ZNF695: variants seen among roughly 807,000 people sequenced by gnomAD.
ZNF695 encodes the protein zinc finger protein SBZF3.
ZNF695 carries 11 observed loss-of-function variants against 11.2 expected under a neutral mutation model. The ratio of observed to expected loss-of-function variants is 0.98; its 90% CI spans 0.62 to 1.62. ZNF695 has a LOEUF of 1.62. Among genes scored for constraint, ZNF695 ranks in the 40% most tolerant of loss-of-function variants. The pLI, the probability that ZNF695 is intolerant of heterozygous loss-of-function variation, is 0.00. For missense variants in ZNF695, 559 were observed against 590.5 expected (o/e 0.95, Z 0.55); for synonymous variants, 190 against 201.4 (o/e 0.94, Z 0.48).
Position 246,999,396 on chromosome 1 carries a change from T to C in ZNF695, c.211A>G (p.Arg71Gly). ...KPELIICLEA[R>G]KEPWNVNTEK... Reference sequence around the variant, plus strand: ...GTGTTCACGTTCCAGGGCTCTTTCCTTGCCTCCAGACAGATGATCAGTTCT... The same window carrying C: ...GTGTTCACGTTCCAGGGCTCTTTCCCTGCCTCCAGACAGATGATCAGTTCT... Residue 71 changes from arginine to glycine, a missense_variant, in exon 3 of 4, where the codon AGG (arginine) becomes GGG (glycine). Coordinates refer to ENST00000339986, the MANE Select transcript of ZNF695 (RefSeq NM_020394.5). The C allele has an allele frequency of 6.2e-7, 1 of 1,614,090 alleles. No individual in the cohort carries two copies. The highest frequency in any genetic ancestry group is 8.5e-7 in the Non-Finnish European group (1 of 1,180,004).
At chr1:246,971,492 TCTGCTAAGTA>T (rs1668424849) in intron 4 of ZNF695, among the ~76,000 whole-genome samples, 1 of 152,010 alleles carries the variant, frequency 6.6e-6, no homozygotes. Context: ...CCTTTCCTGG[TCTGCTAAGTA>T]ACGGGAGCCT....
downstream of ZNF695, among the ~76,000 whole-genome samples, chr1:246,982,687 G>A (rs545717121): frequency 1.6e-3 from 251 of 152,222 alleles, 1 homozygote; most frequent in African/African-American, 5.7e-3. Context: ...TAAGAGTGTT[G>A]CTTGGCCAGG....
At chr1:246,958,956 G>A (rs542313876) in intron 5 of ZNF695, among the ~76,000 whole-genome samples, 16 of 151,924 alleles carry the variant, frequency 1.1e-4, no homozygotes, top group Non-Finnish European at 2.2e-4. Flanking sequence ...ATCAGATACT[G>A]TAAATTATCC....
intron 4 of ZNF695, among the ~76,000 whole-genome samples, chr1:246,974,017 ATTTTAAGTAT>A (rs1273231778): frequency 6.6e-6 from 1 of 152,178 alleles, no homozygotes; most frequent in African/African-American, 2.4e-5. Flanking sequence ...ATTATTAATT[ATTTTAAGTAT>A]TTTTAAGTAT....
intron 3 of ZNF695, among the ~76,000 whole-genome samples, chr1:246,993,944 T>A (rs1016514295): frequency 1.8e-4 from 28 of 151,818 alleles, no homozygotes; most frequent in African/African-American, 6.8e-4. Flanking sequence ...GAGGCCAACG[T>A]GGGCGGATCA....
At chr1:246,968,425 T>G (rs996485028) in intron 4 of ZNF695, 1 of 152,366 alleles carries the variant, frequency 6.6e-6, no homozygotes, top group Non-Finnish European at 1.5e-5. Flanking sequence ...CAGGGCTTAG[T>G]GCCCCATGGC....
intron 5 of ZNF695, among the ~76,000 whole-genome samples, chr1:246,952,549 CTTT>C (rs11326820): frequency 1.4e-4 from 19 of 137,342 alleles, no homozygotes; most frequent in Non-Finnish European, 1.9e-4. Context: ...TCTTCTTCTT[CTTT>C]TTTTTTTTTT....
intron 3 of ZNF695, among the ~76,000 whole-genome samples, chr1:246,994,421 A>C (rs547228221): frequency 3.4e-4 from 52 of 151,886 alleles, no homozygotes; most frequent in Middle Eastern, 6.8e-3. Flanking sequence ...CGCGCCTGTA[A>C]CCCCAGCTAC....
In ZNF695 at chr1:246,987,155, G is replaced by C; in HGVS notation, c.1360C>G (p.His454Asp). 1 of 1,613,886 alleles carries C rather than the reference G, an allele frequency of 6.2e-7. No homozygotes were observed. The highest frequency in any genetic ancestry group is 8.5e-7 in the Non-Finnish European group (1 of 1,179,964). ...AFNWFSYLTN[H>D]KRIHTGEKPY... The stretch of plus-strand genomic sequence containing the variant: ...TTCTCTCCAGTATGAATTCTCTTAT[G>C]ATTAGTAAGATATGAAAACCAGTTA... Residue 454 changes from histidine (H) to aspartate (D), a missense_variant, in exon 4 of 4, where the codon CAT becomes GAT. By Grantham distance (81) the His-to-Asp change is moderately conservative (BLOSUM62 -1). Coordinates refer to ENST00000339986, the MANE Select transcript of ZNF695 (RefSeq NM_020394.5).
exon 6 of ZNF695, chr1:246,945,776 G>T: frequency 6.5e-7 from 1 of 1,550,284 alleles, no homozygotes; most frequent in South Asian, 1.2e-5. Context: ...TTCAAGCAGC[G>T]ACGGAACCTC....
chr1:246,960,591 C>T (rs1668139102), intron 5 of ZNF695, among the ~76,000 whole-genome samples: 1 of 152,146 alleles, frequency 6.6e-6, no homozygotes, highest in Non-Finnish European at 1.5e-5. Flanking sequence ...TTCTTCATTT[C>T]TGTCTACAAA....
intron 3 of ZNF695, among the ~76,000 whole-genome samples, chr1:246,993,607 A>G (rs1189500776): frequency 6.6e-6 from 1 of 152,162 alleles, no homozygotes; most frequent in African/African-American, 2.4e-5. Flanking sequence ...CAATGTATAC[A>G]AAGTATCAGG....
chr1:246,975,109 C>T (rs191280974), intron 4 of ZNF695, among the ~76,000 whole-genome samples: 5 of 152,180 alleles, frequency 3.3e-5, no homozygotes, highest in Non-Finnish European at 5.9e-5. Flanking sequence ...TTTGCATTTA[C>T]GATTAGTCTC....
intron 5 of ZNF695, among the ~76,000 whole-genome samples, chr1:246,959,661 C>T (rs538183172): frequency 8.1e-4 from 123 of 151,138 alleles, no homozygotes; most frequent in African/African-American, 3.0e-3. Context: ...CTCCTGACCT[C>T]GTGATCCACC....
chr1:246,983,849 C>G (rs1668772702), downstream of ZNF695, among the ~76,000 whole-genome samples: 2 of 151,142 alleles, frequency 1.3e-5, no homozygotes, highest in Non-Finnish European at 1.5e-5. Context: ...AAAAATCTAT[C>G]ATCACATTAA....
intron 5 of ZNF695, among the ~76,000 whole-genome samples, chr1:246,962,908 A>G (rs1212338987): frequency 6.6e-6 from 1 of 151,970 alleles, no homozygotes; most frequent in Non-Finnish European, 1.5e-5. Context: ...TGATCTCCTG[A>G]CCTTGTGATC....
intron 5 of ZNF695, among the ~76,000 whole-genome samples, chr1:246,966,555 C>T (rs1235884784): frequency 6.6e-6 from 1 of 152,054 alleles, no homozygotes; most frequent in Admixed American, 6.6e-5. Context: ...GAGGCTGAGG[C>T]AGGAGGATCA....
intron 5 of ZNF695, among the ~76,000 whole-genome samples, chr1:246,957,378 G>T (rs1365564253): frequency 6.8e-6 from 1 of 146,850 alleles, no homozygotes; most frequent in African/African-American, 2.5e-5. Context: ...GCGAAACTCC[G>T]TCTAAAAAAA....
At chr1:246,966,033 T>C (rs1363133989) in intron 5 of ZNF695, among the ~76,000 whole-genome samples, 1 of 151,718 alleles carries the variant, frequency 6.6e-6, no homozygotes, top group Non-Finnish European at 1.5e-5. Flanking sequence ...GAGCAAAGAC[T>C]TGAAGAAAGT....
Sources: allele counts gnomAD v4.1 joint callset (sites outside exome capture counted in the v4.1 genomes callset), GRCh38; gene constraint gnomAD v4.1.1; transcripts MANE v1.5; gene names NCBI Gene and HGNC (gene_info 2026-07-23, HGNC 2026-07-21).